The following ALDH7A1 variants were observed in gnomAD, a reference collection of about 807,000 sequenced individuals.
ALDH7A1 encodes the protein aldehyde dehydrogenase 7 family member A1.
ALDH7A1 carries 63 observed loss-of-function variants against 79.9 expected under a neutral mutation model. That is an observed-to-expected ratio of 0.79 (90% CI 0.64 to 0.97). ALDH7A1 has a LOEUF of 0.97. Ranked by LOEUF, ALDH7A1 falls within the 50% of genes least tolerant of loss-of-function variation. The pLI is 0.00. For synonymous variants in ALDH7A1, 240 were observed against 231.2 expected, an observed-to-expected ratio of 1.04 and a Z score of -0.34; for missense variants, 627 against 665.2, an observed-to-expected ratio of 0.94 and a Z score of 0.63.
At chr5:126,574,698 A>AAAT (rs10676689) in intron 7 of ALDH7A1, among the ~76,000 whole-genome samples, 29,943 of 149,872 alleles carry the variant, frequency 0.2, 4,947 homozygotes, top group African/African-American at 0.46. Flanking sequence ...CCATCTCAAA[A>AAAT]AATAATAATA....
chr5:126,583,110 T>C lies in ALDH7A1; in HGVS notation c.394-136A>G, dbSNP rs1751230017. ...AAAGTCTGTTTCATTTTCCAAAGAA[T>C]TTTAAAACACAACAATTGCCTTCAC... is the stretch of plus-strand genomic sequence containing the variant. On this transcript the variant is annotated intron_variant, in intron 4 of 17. Coordinates refer to ENST00000409134, the MANE Select transcript of ALDH7A1 (RefSeq NM_001182.5). 8.9e-6 allele frequency: 10 copies of C among 1,118,378 alleles called. No individual in the cohort carries two copies. The Admixed American group carries it at 1.5e-4, about 17-fold the overall frequency. The allele number at this position is 1,118,378 out of a possible 1,614,324, so 69.3% of individuals were successfully genotyped here.
At chr5:126,546,993 T>C (rs774010387) in intron 16 of ALDH7A1, among the ~76,000 whole-genome samples, 5 of 152,308 alleles carry the variant, frequency 3.3e-5, no homozygotes, top group South Asian at 2.1e-4. Context: ...AGCTCTCAAA[T>C]GCACAAGCAA....
intron 15 of ALDH7A1, 73 bp downstream of exon 15, chr5:126,550,123 A>G: frequency 1.3e-6 from 2 of 1,533,964 alleles, no homozygotes; most frequent in Non-Finnish European, 1.8e-6. Context: ...ATTTTAGACT[A>G]CAGCAGTTTT....
At chr5:126,556,404 G>A (rs1047687516) in intron 11 of ALDH7A1, among the ~76,000 whole-genome samples, 4 of 151,734 alleles carry the variant, frequency 2.6e-5, no homozygotes, top group African/African-American at 9.7e-5. Flanking sequence ...CACCACACCT[G>A]GCTAATTTTT....
chr5:126,566,502 T>C (rs188901115), intron 9 of ALDH7A1, among the ~76,000 whole-genome samples: 23 of 152,316 alleles, frequency 1.5e-4, no homozygotes, highest in Admixed American at 5.2e-4. Flanking sequence ...AATGCCTACA[T>C]AGTTAAACAG....
chr5:126,571,149 G>A (rs1750756538), intron 7 of ALDH7A1: 8 of 198,716 alleles, frequency 4.0e-5, no homozygotes, highest in South Asian at 1.0e-4. Flanking sequence ...ACTATTAGCA[G>A]ATTTTTTTTT....
At chr5:126,564,613 G>A (rs903237962) in intron 9 of ALDH7A1, 11 of 1,226,028 alleles carry the variant, frequency 9.0e-6, no homozygotes, top group Non-Finnish European at 1.1e-5. Flanking sequence ...TAAGCATCAA[G>A]TGAATATTAA....
At chr5:126,572,077 A>C (rs1192357871) in intron 7 of ALDH7A1, among the ~76,000 whole-genome samples, 1 of 152,238 alleles carries the variant, frequency 6.6e-6, no homozygotes, top group Non-Finnish European at 1.5e-5. Flanking sequence ...TCTCTGAAAA[A>C]GGATTCCATT....
chr5:126,559,851 T>C (rs970182292), intron 10 of ALDH7A1, among the ~76,000 whole-genome samples: 5 of 152,202 alleles, frequency 3.3e-5, no homozygotes, highest in East Asian at 1.9e-4. Flanking sequence ...CCAAGGAAGA[T>C]TATGAGCTCT....
At chr5:126,580,965 C>T (rs1184382423) in intron 5 of ALDH7A1, among the ~76,000 whole-genome samples, 7 of 152,134 alleles carry the variant, frequency 4.6e-5, no homozygotes, top group African/African-American at 1.7e-4. Context: ...GCTGGGATTA[C>T]AGGCATGCGC....
At chr5:126,593,153 A>G (rs1751608226) in intron 2 of ALDH7A1, among the ~76,000 whole-genome samples, 198 bp downstream of exon 2, 2 of 152,186 alleles carry the variant, frequency 1.3e-5, no homozygotes. Flanking sequence ...CCCCCACCCA[A>G]GAGAGGACAG....
intron 9 of ALDH7A1, chr5:126,561,493 T>A: frequency 6.5e-6 from 1 of 153,376 alleles, no homozygotes; most frequent in Non-Finnish European, 1.4e-5. Context: ...AGTGTGTGTG[T>A]GTGTGTGTGT....
At chr5:126,554,626 C>A (rs1316064851) in intron 12 of ALDH7A1, 1 of 536,664 alleles carries the variant, frequency 1.9e-6, no homozygotes, top group Admixed American at 3.0e-5. Context: ...CAAAAGCAGC[C>A]ATAAATGACA....
intron 11 of ALDH7A1, among the ~76,000 whole-genome samples, chr5:126,557,449 C>T (rs1025304734): frequency 6.6e-6 from 1 of 151,456 alleles, no homozygotes; most frequent in Non-Finnish European, 1.5e-5. Context: ...TAGCCAGGCA[C>T]GGTGATGGGT....
chr5:126,576,954 A>G (rs1391339112), intron 6 of ALDH7A1, 125 bp downstream of exon 6: 1 of 1,238,254 alleles, frequency 8.1e-7, no homozygotes, highest in Non-Finnish European at 1.2e-6. Context: ...ATAAAGTTTT[A>G]TTGAAGAAGC....
intron 5 of ALDH7A1, 61 bp from the exon 6 acceptor site, chr5:126,577,272 A>G: frequency 3.1e-6 from 5 of 1,600,802 alleles, no homozygotes; most frequent in Non-Finnish European, 4.3e-6. Context: ...CATCAAGTTA[A>G]TAAGAACAAA....
chr5:126,565,426 G>A (rs552145440), intron 9 of ALDH7A1, among the ~76,000 whole-genome samples: 107 of 142,956 alleles, frequency 7.5e-4, no homozygotes, highest in Middle Eastern at 7.5e-3. Context: ...AAAAAAAGAC[G>A]GCTATTCAAA....
intron 9 of ALDH7A1, chr5:126,562,353 C>A (rs1030082317): frequency 6.6e-6 from 1 of 150,872 alleles, no homozygotes; most frequent in Non-Finnish European, 1.5e-5. Flanking sequence ...CAGGCATGCA[C>A]CACCATGCCC....
At chr5:126,550,719 C>T (rs1001357676) in intron 14 of ALDH7A1, among the ~76,000 whole-genome samples, 1 of 152,216 alleles carries the variant, frequency 6.6e-6, no homozygotes, top group African/African-American at 2.4e-5. Flanking sequence ...CACACAGCCT[C>T]ATAATGTACA....
Sources: allele counts gnomAD v4.1 joint callset (sites outside exome capture counted in the v4.1 genomes callset), GRCh38; gene constraint gnomAD v4.1.1; transcripts MANE v1.5; gene names NCBI Gene and HGNC (gene_info 2026-07-23, HGNC 2026-07-21).